The following TXNRD1 variants were observed in gnomAD, a reference collection of about 807,000 sequenced individuals.
TXNRD1 encodes the protein thioredoxin reductase 1.
A neutral mutation model predicts 80.3 loss-of-function variants in TXNRD1; 57 were observed. The observed-to-expected ratio is 0.71, with a 90% confidence interval of 0.57 to 0.89. TXNRD1 has a LOEUF of 0.89. Ranked by LOEUF, TXNRD1 falls within the 40% of genes least tolerant of loss-of-function variation. The pLI is 0.00. For missense variants in TXNRD1, 730 were observed against 803.0 expected (o/e 0.91, Z 1.10); for synonymous variants, 291 against 285.2 (o/e 1.02, Z -0.20).
intron 1 of TXNRD1, among the ~76,000 whole-genome samples, chr12:104,226,875 G>A (rs140764168): frequency 1.1e-3 from 164 of 152,108 alleles, no homozygotes; most frequent in African/African-American, 3.5e-3. Context: ...CTTTTTTTCC[G>A]GTCTTGGCTC....
At position 104,288,987 on chromosome 12, in the gene TXNRD1, C is replaced by T. The variant is rs34259558; in HGVS notation, c.361C>T (p.Pro121Ser). The T allele has an allele frequency of 1.3e-5, 21 of 1,614,046 alleles. No individual in the cohort carries two copies. The African/African-American group carries it at 1.9e-4, about 14-fold the overall frequency. Reference sequence around the variant, plus strand: ...GGAATTGGCCGCGGAAACCGATCTGCCCGTTGTGTTTGTGAAACAGAGAAA... The same window carrying T: ...GGAATTGGCCGCGGAAACCGATCTGTCCGTTGTGTTTGTGAAACAGAGAAA... ...LSELAAETDL[P>S]VVFVKQRKIG... Residue 121 changes from proline to serine, a missense_variant, in exon 4 of 17, where the codon CCC (proline) becomes TCC (serine). Physicochemically the swap from Pro to Ser is moderately conservative, Grantham distance 74. Coordinates refer to ENST00000525566, the MANE Select transcript of TXNRD1 (RefSeq NM_001093771.3).
intron 1 of TXNRD1, among the ~76,000 whole-genome samples, chr12:104,227,482 G>T (rs765728223): frequency 1.3e-5 from 2 of 152,206 alleles, no homozygotes; most frequent in African/African-American, 4.8e-5. Context: ...GGCCAGGCTG[G>T]TCTCAAACTC....
intron 3 of TXNRD1, among the ~76,000 whole-genome samples, chr12:104,288,035 G>T (rs931789016): frequency 2.6e-5 from 4 of 152,108 alleles, no homozygotes; most frequent in African/African-American, 9.7e-5. Flanking sequence ...CTGTCGCCCA[G>T]GCTGGAGTGC....
intron 4 of TXNRD1, among the ~76,000 whole-genome samples, chr12:104,299,172 A>T (rs943757569): frequency 6.6e-6 from 1 of 152,116 alleles, no homozygotes; most frequent in Non-Finnish European, 1.5e-5. Flanking sequence ...TGCTTTTGGT[A>T]TAAGTGGATC....
At chr12:104,311,765 G>C (rs2035141682) in intron 5 of TXNRD1, among the ~76,000 whole-genome samples, 2 of 152,102 alleles carry the variant, frequency 1.3e-5, no homozygotes, top group South Asian at 4.1e-4. Context: ...CGGATCACCT[G>C]AGGTCAGGAG....
chr12:104,326,105 A>T (rs1376050854), intron 11 of TXNRD1, among the ~76,000 whole-genome samples: 1 of 152,028 alleles, frequency 6.6e-6, no homozygotes, highest in Non-Finnish European at 1.5e-5. Flanking sequence ...TTAAGGCATT[A>T]TGAATTCTCT....
At chr12:104,253,911 C>T (rs59259947) in intron 2 of TXNRD1, among the ~76,000 whole-genome samples, 6,122 of 152,200 alleles carry the variant, frequency 0.04, 236 homozygotes, top group African/African-American at 0.095. Context: ...AGGCTGGTCT[C>T]GAACTCCTGA....
At chr12:104,280,326 T>G (rs2033850827) in intron 3 of TXNRD1, 1 of 152,232 alleles carries the variant, frequency 6.6e-6, no homozygotes, top group African/African-American at 2.4e-5. Flanking sequence ...TTGATCTTCC[T>G]TTTTGGAGCA....
chr12:104,330,586 T>G (rs1415800544), intron 13 of TXNRD1, among the ~76,000 whole-genome samples: 4 of 40,986 alleles, frequency 9.8e-5, no homozygotes, highest in Non-Finnish European at 2.1e-4. Flanking sequence ...TAATTGGGAT[T>G]TTTTTTTACT....
chr12:104,267,647 A>ATCTTTCCTTCTTTCTT lies in TXNRD1; in HGVS notation c.304+9574_304+9575insCTTCTTTCTTTCTTTC, dbSNP rs1555209253. Among the ~76,000 whole-genome samples the ATCTTTCCTTCTTTCTT allele has an allele frequency of 1.9e-3, 271 of 140,442 alleles. 2 individuals carry two copies. The highest frequency in any genetic ancestry group is 3.3e-3 in the South Asian group (14 of 4,214). 92.1% of individuals were successfully genotyped at this position (140,442 alleles called of 152,430 possible). ...GATAGGTGTTCCTAGATGTGATGGT[A>ATCTTTCCTTCTTTCTT]TCTTTCTTTCTTTCTTTCTTTCTTT... On this transcript the variant is annotated intron_variant, in intron 3 of 16. Coordinates refer to ENST00000525566, the MANE Select transcript of TXNRD1 (RefSeq NM_001093771.3).
chr12:104,259,204 C>A (rs2033312947), intron 3 of TXNRD1, among the ~76,000 whole-genome samples: 1 of 151,896 alleles, frequency 6.6e-6, no homozygotes, highest in South Asian at 2.1e-4. Context: ...TATGGTGAAA[C>A]CCTGTCTCTA....
chr12:104,265,367 C>A (rs1223007686), intron 3 of TXNRD1: 9 of 1,608,742 alleles, frequency 5.6e-6, no homozygotes, highest in Middle Eastern at 2.0e-4. Context: ...CTGCCCACCC[C>A]CAAATGCCAC....
chr12:104,270,042 C>T (rs1358538143), intron 3 of TXNRD1, among the ~76,000 whole-genome samples: 1 of 152,160 alleles, frequency 6.6e-6, no homozygotes, highest in Non-Finnish European at 1.5e-5. Context: ...CTTGTTATTT[C>T]CACCATATCT....
chr12:104,265,482 A>C (rs1593724866), intron 3 of TXNRD1: 13 of 1,609,614 alleles, frequency 8.1e-6, no homozygotes, highest in Non-Finnish European at 1.0e-5. Flanking sequence ...AGAAGTCTTC[A>C]GGGGAGATTG....
At chr12:104,244,824 CAG>C (rs1473678781) in intron 1 of TXNRD1, among the ~76,000 whole-genome samples, 2 of 152,178 alleles carry the variant, frequency 1.3e-5, no homozygotes, top group East Asian at 3.9e-4. Context: ...GGATTGAAGA[CAG>C]GGAAAAGAAA....
chr12:104,332,793 G>A (rs1361501314), intron 14 of TXNRD1, among the ~76,000 whole-genome samples: 1 of 149,038 alleles, frequency 6.7e-6, no homozygotes, highest in Non-Finnish European at 1.5e-5. Flanking sequence ...CTTTATTATA[G>A]GAAGTTTCAA....
chr12:104,293,575 C>T (rs1477974703), intron 4 of TXNRD1, among the ~76,000 whole-genome samples: 2 of 152,134 alleles, frequency 1.3e-5, no homozygotes, highest in Non-Finnish European at 2.9e-5. Flanking sequence ...CTCAGCCTCC[C>T]GAATAGCTGG....
intron 16 of TXNRD1, among the ~76,000 whole-genome samples, chr12:104,343,810 A>T (rs77334368): frequency 7.3e-6 from 1 of 136,240 alleles, no homozygotes; most frequent in Non-Finnish European, 1.6e-5. Context: ...AAAAAAAAAA[A>T]TAAAACAAAA....
At chr12:104,267,699 TTC>T (rs1555209250) in intron 3 of TXNRD1, among the ~76,000 whole-genome samples, 1 of 46,414 alleles carries the variant, frequency 2.2e-5, no homozygotes, top group Non-Finnish European at 4.7e-5. Context: ...CTTTCTTTCT[TTC>T]TCTCTTTCTT....
Sources: allele counts gnomAD v4.1 joint callset (sites outside exome capture counted in the v4.1 genomes callset), GRCh38; gene constraint gnomAD v4.1.1; transcripts MANE v1.5; gene names NCBI Gene and HGNC (gene_info 2026-07-23, HGNC 2026-07-21).